The following CDH18 variants were observed in gnomAD, a reference collection of about 807,000 sequenced individuals.
CDH18 encodes cadherin 18.
In CDH18, 31 loss-of-function variants were observed where a neutral mutation model predicts 67.9. The observed-to-expected ratio is 0.46, with a 90% CI of 0.34 to 0.62. CDH18 has a LOEUF of 0.62. Among genes scored for constraint, CDH18 ranks in the 20% least tolerant of loss-of-function variants. The pLI is 0.01. For missense variants in CDH18, 890 were observed against 975.5 expected (o/e 0.91, Z 1.17); for synonymous variants, 362 against 347.2 (o/e 1.04, Z -0.48).
At position 19,629,731 on chromosome 5, in the gene CDH18, G is replaced by A. The variant is rs192066689; in HGVS notation, c.644-17130C>T. ...CTGAATTACTCCTTTAGGTTATCAA[G>A]GTATACTTCAAATTTAATCAGATAG... On this transcript the variant is annotated intron_variant, in intron 5 of 12. Coordinates refer to ENST00000382275, the MANE Select transcript of CDH18 (RefSeq NM_004934.5). Among the ~76,000 whole-genome samples, 181 of 152,088 alleles carry A rather than the reference G, an allele frequency of 1.2e-3. 1 individual carries two copies. Among genetic ancestry groups the A allele is most frequent in the African/African-American group, 4.2e-3 (176 of 41,510 alleles).
At chr5:19,668,609 T>C (rs1265499526) in intron 5 of CDH18, among the ~76,000 whole-genome samples, 3 of 152,134 alleles carry the variant, frequency 2.0e-5, no homozygotes, top group Non-Finnish European at 4.4e-5. Context: ...ATAAAATAAG[T>C]GAGAGTCAAA....
At chr5:20,176,895 A>G (rs2126670065) in intron 2 of CDH18, among the ~76,000 whole-genome samples, 1 of 152,228 alleles carries the variant, frequency 6.6e-6, no homozygotes, top group East Asian at 1.9e-4. Flanking sequence ...TTGTAAGTTA[A>G]TTTGCAAAAT....
At chr5:19,642,165 A>T (rs1037759406) in intron 5 of CDH18, among the ~76,000 whole-genome samples, 3 of 151,980 alleles carry the variant, frequency 2.0e-5, no homozygotes, top group Non-Finnish European at 4.4e-5. Flanking sequence ...AAAAACATTG[A>T]TGAAGGAAAT....
chr5:19,835,461 T>G (rs1211787470), intron 3 of CDH18, among the ~76,000 whole-genome samples: 1 of 152,022 alleles, frequency 6.6e-6, no homozygotes, highest in Non-Finnish European at 1.5e-5. Flanking sequence ...TCCCTTTTTT[T>G]TGTTTGTTTG....
intron 1 of CDH18, among the ~76,000 whole-genome samples, chr5:20,432,230 C>T (rs4386736): frequency 0.22 from 33,530 of 151,990 alleles, 3,881 homozygotes; most frequent in East Asian, 0.3. Flanking sequence ...GTGTCAGCGC[C>T]TTAATTTCTA....
chr5:20,431,763 G>A (rs1204554310), intron 1 of CDH18, among the ~76,000 whole-genome samples: 1 of 152,114 alleles, frequency 6.6e-6, no homozygotes, highest in African/African-American at 2.4e-5. Flanking sequence ...TTCTGATTCT[G>A]AGTGCTGCCC....
At chr5:19,591,865 T>C (rs559448421) in intron 6 of CDH18, among the ~76,000 whole-genome samples, 1 of 152,164 alleles carries the variant, frequency 6.6e-6, no homozygotes, top group African/African-American at 2.4e-5. Flanking sequence ...GTTATTAAAA[T>C]TTTTAAAAAT....
intron 2 of CDH18, among the ~76,000 whole-genome samples, chr5:19,905,344 G>A (rs1790417221): frequency 6.6e-6 from 1 of 151,970 alleles, no homozygotes; most frequent in South Asian, 2.1e-4. Flanking sequence ...TCTAACAGTG[G>A]CTTACAAATG....
At chr5:20,487,668 G>A (rs116785341) in intron 1 of CDH18, among the ~76,000 whole-genome samples, 2 of 151,212 alleles carry the variant, frequency 1.3e-5, no homozygotes, top group Non-Finnish European at 2.9e-5. Context: ...AATGGGAAGT[G>A]CATATCCTAA....
At chr5:19,711,737 C>A (rs1164256843) in intron 5 of CDH18, among the ~76,000 whole-genome samples, 1 of 149,070 alleles carries the variant, frequency 6.7e-6, no homozygotes, top group African/African-American at 2.5e-5. Context: ...TAAATTAGCA[C>A]AACCTCTGAG....
intron 9 of CDH18, among the ~76,000 whole-genome samples, chr5:19,534,984 T>C (rs182808909): frequency 2.0e-5 from 3 of 152,210 alleles, no homozygotes; most frequent in African/African-American, 7.2e-5. Context: ...TTGCTAGTTA[T>C]GTAAGTGAGA....
chr5:20,255,334 T>G (rs1219797272), intron 2 of CDH18: 5 of 152,158 alleles, frequency 3.3e-5, no homozygotes, highest in Non-Finnish European at 7.4e-5. Context: ...TAAGAGAAAT[T>G]ATGACAACAA....
intron 6 of CDH18, among the ~76,000 whole-genome samples, chr5:19,594,819 G>C (rs1431564965): frequency 6.6e-6 from 1 of 152,094 alleles, no homozygotes; most frequent in Non-Finnish European, 1.5e-5. Context: ...TTTTATGAGA[G>C]TGCAACTGAT....
At chr5:19,875,997 G>A (rs1786947482) in intron 2 of CDH18, among the ~76,000 whole-genome samples, 1 of 151,680 alleles carries the variant, frequency 6.6e-6, no homozygotes, top group Non-Finnish European at 1.5e-5. Flanking sequence ...CAATAATTAA[G>A]GCAACAATAG....
chr5:19,900,227 A>G (rs779017385), intron 2 of CDH18, among the ~76,000 whole-genome samples: 3 of 152,128 alleles, frequency 2.0e-5, no homozygotes. Context: ...AGTGATTACC[A>G]GAAGAAGGGG....
At chr5:19,872,420 T>G (rs1786426286) in intron 2 of CDH18, among the ~76,000 whole-genome samples, 1 of 152,212 alleles carries the variant, frequency 6.6e-6, no homozygotes, top group Non-Finnish European at 1.5e-5. Context: ...TTTGAATCAG[T>G]TGACTGAGGC....
intron 8 of CDH18, among the ~76,000 whole-genome samples, chr5:19,546,977 T>G (rs1165851046): frequency 6.6e-6 from 1 of 152,260 alleles, no homozygotes; most frequent in Non-Finnish European, 1.5e-5. Context: ...GGTACAACTC[T>G]AAAGTAAATC....
chr5:19,869,846 ATC>A (rs1339199316), intron 2 of CDH18, among the ~76,000 whole-genome samples: 60 of 152,116 alleles, frequency 3.9e-4, no homozygotes. Context: ...AGTAAGGCAA[ATC>A]TCTGCCTACT....
chr5:20,559,041 C>G (rs78761679), intron 1 of CDH18, among the ~76,000 whole-genome samples: 21 of 150,436 alleles, frequency 1.4e-4, no homozygotes, highest in African/African-American at 5.1e-4. Context: ...CATTGCTTAC[C>G]GGCAGACTAG....
Sources: allele counts gnomAD v4.1 joint callset (sites outside exome capture counted in the v4.1 genomes callset), GRCh38; gene constraint gnomAD v4.1.1; transcripts MANE v1.5; gene names NCBI Gene and HGNC (gene_info 2026-07-23, HGNC 2026-07-21).